PLCD3: variants seen among roughly 807,000 people sequenced by gnomAD.
The protein encoded by PLCD3 is phospholipase C delta 3.
Under a neutral mutation model 82.8 loss-of-function variants are expected in PLCD3, and 62 were observed. The ratio of observed to expected loss-of-function variants is 0.75; its 90% CI spans 0.61 to 0.93. The LOEUF is 0.93. Among genes scored for constraint, PLCD3 ranks in the 40% least tolerant of loss-of-function variants. The pLI, the probability that PLCD3 is intolerant of heterozygous loss-of-function variation, is 0.00. For synonymous variants in PLCD3, 478 were observed against 471.8 expected (o/e 1.01, Z -0.17); for missense variants, 1,023 against 1,103.4 (o/e 0.93, Z 1.03).
At position 45,118,075 on chromosome 17, in the gene PLCD3, G is replaced by A. The variant is rs762551438; in HGVS notation, c.1179C>T (p.Pro393=). ...LDCWEGPGGE[P]VIYHGHTLTS... ...TGAGGGTATGGCCATGATAGATGAC[G>A]GGCTCCCCTCCTGGCCCCTCCCAGC... Residue 393 remains proline, a synonymous_variant, in exon 7 of 15, where the codon CCC becomes CCT. Coordinates refer to ENST00000619929, the MANE Select transcript of PLCD3 (RefSeq NM_133373.5). This position sits in a 1 kb window ranked among gnomAD's most constrained non-coding sequence, Gnocchi z 4.1. 8.7e-6 allele frequency: 14 copies of A among 1,613,674 alleles called. No homozygotes were observed. The East Asian group carries it at 2.0e-4, about 23-fold the overall frequency.
At position 45,114,239 on chromosome 17, in the gene PLCD3, C is replaced by T. The variant is rs377640968; in HGVS notation, c.1828+11G>A. The T allele has an allele frequency of 1.2e-4, 179 of 1,521,356 alleles. 1 individual carries two copies. In the African/African-American group the frequency reaches 2.3e-3, roughly 19 times the overall value. The allele number at this position is 1,521,356 out of a possible 1,614,324, so 94.2% of individuals were successfully genotyped here. On this transcript the variant is annotated intron_variant, in intron 11 of 14. Coordinates refer to ENST00000619929, the MANE Select transcript of PLCD3 (RefSeq NM_133373.5). ...ACCCCGCCTGCTCTCATTCCTGTGG[C>T]CCCCACTTACCCAGCTGACAGCCCG...
At chr17:45,114,163 CTGGAAGG>C in intron 11 of PLCD3, 80 bp downstream of exon 11, 1 of 973,860 alleles carries the variant, frequency 1.0e-6, no homozygotes, top group Non-Finnish European at 1.5e-6. Flanking sequence ...TTTCCACCGT[CTGGAAGG>C]CTGTGTGGGC....
chr17:45,120,785 TGCGC>T (rs2054330130), intron 3 of PLCD3, 113 bp downstream of exon 3: 1 of 1,146,870 alleles, frequency 8.7e-7, no homozygotes, highest in African/African-American at 2.4e-5. Flanking sequence ...ACCCAGACCG[TGCGC>T]CCTCAGGACA....
chr17:45,114,014 C>T (rs2054269703), intron 11 of PLCD3, among the ~76,000 whole-genome samples: 1 of 152,040 alleles, frequency 6.6e-6, no homozygotes, highest in African/African-American at 2.4e-5. Context: ...TGTGTGTGTC[C>T]GGGGGACATG....
intron 8 of PLCD3, among the ~76,000 whole-genome samples, chr17:45,116,311 G>A (rs1038116747): frequency 6.6e-6 from 1 of 152,168 alleles, no homozygotes; most frequent in Admixed American, 6.5e-5. Context: ...CTTCCAGGTG[G>A]AGAAAGTGTC....
intron 1 of PLCD3, among the ~76,000 whole-genome samples, chr17:45,129,829 TC>T (rs1314225136): frequency 1.3e-5 from 2 of 152,194 alleles, no homozygotes; most frequent in African/African-American, 4.8e-5. Context: ...TCTTCCTCCT[TC>T]CCCGCTCATC....
intron 1 of PLCD3, 149 bp from the exon 2 acceptor site, chr17:45,121,521 C>T: frequency 9.9e-7 from 1 of 1,006,358 alleles, no homozygotes; most frequent in Non-Finnish European, 1.4e-6. Flanking sequence ...TCACAGGACT[C>T]CCCTCCTCCC....
In PLCD3 at chr17:45,132,422, G is replaced by T; in HGVS notation, c.-12C>A. The stretch of plus-strand genomic sequence containing the variant: ...CGGCCGCACAGCATGGCTTGGCGGG[G>T]GGCCGGGGCCGGGCCCGGGGTCTGC... On this transcript the variant is annotated 5_prime_UTR_variant, in exon 1 of 15. Transcript: ENST00000619929. This position sits in a 1 kb window ranked among gnomAD's most constrained non-coding sequence, Gnocchi z 4.6. 8.3e-7 allele frequency: 1 copy of T among 1,203,726 alleles called. No individual in the cohort carries two copies. The allele number at this position is 1,203,726 out of a possible 1,614,324, so 74.6% of individuals were successfully genotyped here. A position where few individuals can be genotyped will look rare whatever the true frequency, so the allele number is the denominator to read the frequency against.
In PLCD3 at chr17:45,112,948, G is replaced by C. The variant is rs1166790127; in HGVS notation, c.2196C>G (p.Val732=). Residue 732 remains valine, a synonymous_variant, in exon 14 of 15, where the codon GTC becomes GTG. Transcript: ENST00000619929. ...FQLRAPELAL[V]RFVVEDYDAT... is the part of the protein sequence containing the mutation. ...CGTCATAATCTTCCACCACAAACCG[G>C]ACCAGTGCCAGCTCCGGAGCCCGCA... 1 of 1,612,800 alleles carries C rather than the reference G, an allele frequency of 6.2e-7. No individual in the cohort carries two copies. Among genetic ancestry groups the C allele is most frequent in the Admixed American group, 1.7e-5 (1 of 59,878 alleles).
chr17:45,127,459 G>T (rs1252461730), intron 1 of PLCD3, among the ~76,000 whole-genome samples: 1 of 152,212 alleles, frequency 6.6e-6, no homozygotes, highest in African/African-American at 2.4e-5. Context: ...GGCCTGAGCA[G>T]TTCTGTAAGG....
chr17:45,115,084 C>T lies in PLCD3; in HGVS notation c.1711+10G>A. 1 of 1,591,602 alleles carries T rather than the reference C, an allele frequency of 6.3e-7. No individual in the cohort carries two copies. ...TCTCGCCCCCAGACACCCAGTGCCCCAGCTCCTACCTGCCTCCCGAATGAG... is the reference window on the plus strand; with the variant it reads ...TCTCGCCCCCAGACACCCAGTGCCCTAGCTCCTACCTGCCTCCCGAATGAG... On this transcript the variant is annotated intron_variant, in intron 10 of 14. Coordinates refer to ENST00000619929, the MANE Select transcript of PLCD3 (RefSeq NM_133373.5).
At chr17:45,129,279 C>T (rs756645265) in intron 1 of PLCD3, 2 of 152,244 alleles carry the variant, frequency 1.3e-5, no homozygotes, top group African/African-American at 2.4e-5. Flanking sequence ...CACAGTGAGA[C>T]CCCAACTCTA....
chr17:45,116,626 C>A lies in PLCD3; in HGVS notation c.1413+6G>T. 5 of 1,568,932 alleles carry A rather than the reference C, an allele frequency of 3.2e-6. No individual in the cohort carries two copies. Among genetic ancestry groups the A allele is most frequent in the South Asian group, 2.4e-5 (2 of 84,934 alleles). On this transcript the variant is annotated splice_donor_region_variant and intron_variant, in intron 8 of 14. Coordinates refer to ENST00000619929, the MANE Select transcript of PLCD3 (RefSeq NM_133373.5). ...TCCACCCAGGCTAGGGGCTGGGGGG[C>A]GTCACCTCTGGGGATGGCAGCTCCT...
intron 1 of PLCD3, among the ~76,000 whole-genome samples, chr17:45,126,045 A>ATT (rs71275948): frequency 3.4e-4 from 47 of 138,630 alleles, no homozygotes; most frequent in Middle Eastern, 3.8e-3. Context: ...ATTTTACCAT[A>ATT]TTTTTTTTTT....
intron 1 of PLCD3, 87 bp from the exon 2 acceptor site, chr17:45,121,459 C>T: frequency 7.2e-7 from 1 of 1,384,200 alleles, no homozygotes; most frequent in Non-Finnish European, 9.4e-7. Context: ...CTGCCCCATC[C>T]TCCAGCCTCT....
rs1393988940 is a variant in PLCD3, at chr17:45,113,123, A to G, written c.2130T>C (p.Asn710=). 3 of 1,613,328 alleles carry G rather than the reference A, an allele frequency of 1.9e-6. No homozygotes were observed. Among genetic ancestry groups the G allele is most frequent in the South Asian group, 1.1e-5 (1 of 90,998 alleles). The change falls in exon 13 of 15, where the codon AAT becomes AAC. Residue 710 remains asparagine, a splice_region_variant and synonymous_variant. Transcript: ENST00000619929. ...CCACTTCCGCCAGTGGCTGCCCACC[A>G]TTGTTGAGCACGTAGTCAGTCTCCT... ...ARQETDYVLN[N]GFNPRWGQTL...
chr17:45,122,768 G>A (rs2054351648), intron 1 of PLCD3, among the ~76,000 whole-genome samples: 3 of 152,146 alleles, frequency 2.0e-5, no homozygotes, highest in Admixed American at 2.0e-4. Flanking sequence ...AACACGTGAT[G>A]CCCAGCCCAA....
Position 45,120,938 on chromosome 17 carries a change from C to A in PLCD3, c.518G>T (p.Arg173Leu). ...CTCGCGCTGGCTCATGGCGTCCAGGCGCGCGCGGAGCTTGGTCAGACCGCG... is the reference window on the plus strand; with the variant it reads ...CTCGCGCTGGCTCATGGCGTCCAGGAGCGCGCGGAGCTTGGTCAGACCGCG... ...WVRGLTKLRA[R>L]LDAMSQRERL... The change falls in exon 3 of 15, where the codon CGC (arginine) becomes CTC (leucine). Residue 173 changes from arginine (R) to leucine (L), a missense_variant. Transcript: ENST00000619929. The A allele has an allele frequency of 5.4e-6, 8 of 1,476,122 alleles. No individual in the cohort carries two copies. Among genetic ancestry groups the A allele is most frequent in the South Asian group, 1.3e-5 (1 of 75,472 alleles). 91.4% of individuals were successfully genotyped at this position (1,476,122 alleles called of 1,614,324 possible).
intron 10 of PLCD3, 38 bp from the exon 11 acceptor site, chr17:45,114,404 G>A: frequency 6.6e-7 from 1 of 1,505,642 alleles, no homozygotes; most frequent in Non-Finnish European, 9.0e-7. Flanking sequence ...ACAGACTCCG[G>A]GGGTCCCTCA....
Sources: gnomAD v4.1 joint callset for allele counts (sites outside exome capture counted in the v4.1 genomes callset) on GRCh38, gnomAD v4.1.1 for gene constraint, Gnocchi (gnomAD v3.1) non-coding constraint, MANE v1.5 for transcripts, NCBI Gene and HGNC (gene_info 2026-07-23, HGNC 2026-07-21) for gene names.